Variants in OXR1 observed in about 807,000 individuals in gnomAD.
The protein encoded by OXR1 is oxidation resistance protein 1.
A neutral mutation model predicts 104.6 loss-of-function variants in OXR1; 41 were observed. The observed-to-expected ratio is 0.39, with a 90% CI of 0.31 to 0.51. The LOEUF is 0.51. OXR1 is among the 20% of genes least tolerant of loss of function. The pLI, the probability that OXR1 is intolerant of heterozygous loss-of-function variation, is 0.77. For synonymous variants in OXR1, 348 were observed against 348.4 expected (o/e 1.00, Z 0.01); for missense variants, 955 against 1,031.9 (o/e 0.93, Z 1.02).
At chr8:106,637,555 G>A (rs533620893) in intron 3 of OXR1, among the ~76,000 whole-genome samples, 207 of 152,262 alleles carry the variant, frequency 1.4e-3, no homozygotes, top group African/African-American at 4.9e-3. Flanking sequence ...TGAAAGTATA[G>A]ACGGTACATT....
intron 2 of OXR1, among the ~76,000 whole-genome samples, chr8:106,482,417 G>A (rs1377405): frequency 0.11 from 16,063 of 145,036 alleles, 965 homozygotes; most frequent in African/African-American, 0.15. Flanking sequence ...GGAACTGGGG[G>A]AAAAAAAAAA....
At chr8:106,609,620 A>G (rs1245861027) in intron 3 of OXR1, among the ~76,000 whole-genome samples, 1 of 152,196 alleles carries the variant, frequency 6.6e-6, no homozygotes, top group African/African-American at 2.4e-5. Flanking sequence ...CTCTGGAGTC[A>G]TTATTGGGTT....
intron 2 of OXR1, among the ~76,000 whole-genome samples, chr8:106,427,090 G>A (rs983530671): frequency 2.0e-5 from 3 of 152,136 alleles, no homozygotes; most frequent in Admixed American, 6.6e-5. Flanking sequence ...GCAGGGCAAA[G>A]CTTCTTAGAA....
At chr8:106,743,225 G>T (rs916016171) in intron 15 of OXR1, among the ~76,000 whole-genome samples, 2 of 152,190 alleles carry the variant, frequency 1.3e-5, no homozygotes, top group African/African-American at 4.8e-5. Flanking sequence ...AAACCACAAT[G>T]AGGTACCATC....
intron 3 of OXR1, among the ~76,000 whole-genome samples, chr8:106,643,283 C>T (rs1350375410): frequency 3.9e-5 from 6 of 152,056 alleles, no homozygotes; most frequent in South Asian, 2.1e-4. Flanking sequence ...CCAAAGCAGC[C>T]GCAGACAATA....
In OXR1 at chr8:106,356,624, T is replaced by G. The variant is rs1402420549; in HGVS notation, c.-138-2852T>G. 2.0e-5 allele frequency among the ~76,000 whole-genome samples: 3 copies of G among 152,016 alleles called. No homozygotes were observed. In the East Asian group the frequency reaches 5.8e-4, roughly 29 times the overall value. ...ACACTTTCTTATTTCAAAAAGGACT[T>G]AGGGGGATTTTATGTGTATTTACAT... On this transcript the variant is annotated intron_variant, in intron 1 of 16. Coordinates refer to ENST00000517566, the MANE Select transcript of OXR1 (RefSeq NM_001198533.2).
intron 2 of OXR1, among the ~76,000 whole-genome samples, chr8:106,476,369 G>A (rs955676720): frequency 6.6e-6 from 1 of 151,912 alleles, no homozygotes; most frequent in Non-Finnish European, 1.5e-5. Context: ...AAGATAAAGG[G>A]TTATCGTTGT....
chr8:106,296,824 C>A (rs1180880948), intron 1 of OXR1, among the ~76,000 whole-genome samples: 1 of 152,202 alleles, frequency 6.6e-6, no homozygotes, highest in Non-Finnish European at 1.5e-5. Flanking sequence ...GGTTATGACA[C>A]CTGTCTTTGC....
At chr8:106,394,952 G>C (rs189958677) in intron 2 of OXR1, among the ~76,000 whole-genome samples, 99 of 114,736 alleles carry the variant, frequency 8.6e-4, no homozygotes, top group African/African-American at 3.1e-3. Flanking sequence ...AATGCAGACT[G>C]AGAAAGAAAT....
At chr8:106,353,301 A>G (rs956200161) in intron 1 of OXR1, among the ~76,000 whole-genome samples, 2 of 152,042 alleles carry the variant, frequency 1.3e-5, no homozygotes, top group African/African-American at 2.4e-5. Context: ...GTGAGTCGAG[A>G]TCACGCCACT....
At chr8:106,696,336 C>T (rs963722514) in intron 7 of OXR1, among the ~76,000 whole-genome samples, 2 of 152,162 alleles carry the variant, frequency 1.3e-5, no homozygotes, top group African/African-American at 2.4e-5. Context: ...ACTGAATATT[C>T]CACTGAGTGG....
chr8:106,525,670 A>AG (rs893426667), intron 3 of OXR1, among the ~76,000 whole-genome samples: 3 of 152,220 alleles, frequency 2.0e-5, no homozygotes, highest in Admixed American at 2.0e-4. Flanking sequence ...TAGGTCCAAA[A>AG]GGGGGGCTCC....
intron 2 of OXR1, among the ~76,000 whole-genome samples, chr8:106,485,899 A>G (rs1810618641): frequency 6.6e-6 from 1 of 151,816 alleles, no homozygotes; most frequent in African/African-American, 2.4e-5. Context: ...TGTGGAACCT[A>G]AAAAAGTTGA....
At chr8:106,323,025 G>GA (rs991997123) in intron 1 of OXR1, among the ~76,000 whole-genome samples, 19 of 149,806 alleles carry the variant, frequency 1.3e-4, no homozygotes, top group African/African-American at 2.4e-4. Context: ...CAGAGAACTA[G>GA]AAAAAAAAAG....
At chr8:106,288,635 AT>A (rs1812608209) in intron 1 of OXR1, among the ~76,000 whole-genome samples, 1 of 148,154 alleles carries the variant, frequency 6.7e-6, no homozygotes, top group South Asian at 2.1e-4. Context: ...TACATTATAT[AT>A]TAATATATAC....
At chr8:106,318,579 C>G (rs1183229410) in intron 1 of OXR1, among the ~76,000 whole-genome samples, 1 of 152,168 alleles carries the variant, frequency 6.6e-6, no homozygotes, top group East Asian at 1.9e-4. Flanking sequence ...CTTAACACTT[C>G]TCTGCTTAGC....
intron 2 of OXR1, among the ~76,000 whole-genome samples, chr8:106,405,874 C>T (rs1388201586): frequency 6.6e-6 from 1 of 152,066 alleles, no homozygotes; most frequent in Non-Finnish European, 1.5e-5. Context: ...TTGCTTTAAA[C>T]CACTAAGTTT....
intron 3 of OXR1, among the ~76,000 whole-genome samples, chr8:106,524,959 C>T (rs1813546174): frequency 6.6e-6 from 1 of 152,204 alleles, no homozygotes; most frequent in South Asian, 2.1e-4. Context: ...GGCATCTGCA[C>T]TTCTCTGTGC....
At chr8:106,607,417 G>T (rs535238743) in intron 3 of OXR1, among the ~76,000 whole-genome samples, 9 of 152,174 alleles carry the variant, frequency 5.9e-5, no homozygotes, top group Non-Finnish European at 1.3e-4. Context: ...GGAGTCAATA[G>T]CCCTCTTGTA....
Sources: gnomAD v4.1 joint callset for allele counts (sites outside exome capture counted in the v4.1 genomes callset) on GRCh38, gnomAD v4.1.1 for gene constraint, MANE v1.5 for transcripts, NCBI Gene and HGNC (gene_info 2026-07-23, HGNC 2026-07-21) for gene names.